UST: variants seen among roughly 807,000 people sequenced by gnomAD.
UST encodes uronyl 2-sulfotransferase.
In UST, 21 loss-of-function variants were observed where a neutral mutation model predicts 45.6. That is an observed-to-expected ratio of 0.46 (90% CI 0.33 to 0.66). UST has a LOEUF of 0.66. Among genes scored for constraint, UST ranks in the 30% least tolerant of loss-of-function variants. The pLI is 0.02. For missense variants in UST, 463 were observed against 512.4 expected, an observed-to-expected ratio of 0.90 and a Z score of 0.93; for synonymous variants, 215 against 200.6, an observed-to-expected ratio of 1.07 and a Z score of -0.61.
chr6:148,774,257 G>T (rs935561472), intron 1 of UST, among the ~76,000 whole-genome samples: 6 of 138,466 alleles, frequency 4.3e-5, no homozygotes, highest in Non-Finnish European at 9.2e-5. Context: ...CTGTTAAAGC[G>T]AACAAGGTTA....
At chr6:149,060,598 G>T (rs776456964) in intron 7 of UST, among the ~76,000 whole-genome samples, 1 of 152,198 alleles carries the variant, frequency 6.6e-6, no homozygotes, top group Non-Finnish European at 1.5e-5. Context: ...GTGGTGCAGG[G>T]CTGTATGGGA....
intron 2 of UST, among the ~76,000 whole-genome samples, chr6:148,912,048 T>G (rs1779485734): frequency 6.6e-6 from 1 of 152,090 alleles, no homozygotes; most frequent in Non-Finnish European, 1.5e-5. Context: ...AATATAAAAA[T>G]TAGCTGGGCA....
At chr6:148,901,825 T>G (rs1329144309) in intron 2 of UST, among the ~76,000 whole-genome samples, 1 of 151,932 alleles carries the variant, frequency 6.6e-6, no homozygotes, top group Non-Finnish European at 1.5e-5. Context: ...TCCCAAAGTG[T>G]TGGGATTACA....
At chr6:148,984,977 G>T (rs1781212613) in intron 5 of UST, among the ~76,000 whole-genome samples, 2 of 152,236 alleles carry the variant, frequency 1.3e-5, no homozygotes, top group Non-Finnish European at 2.9e-5. Flanking sequence ...TGGCTATGGA[G>T]CTAAAGGATG....
chr6:149,064,648 A>T (rs931711163), intron 7 of UST, among the ~76,000 whole-genome samples: 2 of 152,220 alleles, frequency 1.3e-5, no homozygotes, highest in African/African-American at 4.8e-5. Context: ...CTCTAGGTTT[A>T]TGAAAGCCTG....
chr6:148,871,117 C>CTCTCTCT (rs1778543531), intron 1 of UST, among the ~76,000 whole-genome samples: 32 of 97,594 alleles, frequency 3.3e-4, no homozygotes, highest in Middle Eastern at 0.016. Flanking sequence ...GCATTCTCTC[C>CTCTCTCT]CTCTCTCTCT....
chr6:148,929,931 A>G (rs965381505), intron 2 of UST, among the ~76,000 whole-genome samples: 10 of 152,208 alleles, frequency 6.6e-5, no homozygotes, highest in Non-Finnish European at 1.3e-4. Context: ...GAAAAATGCC[A>G]AGAAGCCAAT....
intron 1 of UST, among the ~76,000 whole-genome samples, chr6:148,861,625 G>A (rs148784785): frequency 0.013 from 2,041 of 152,200 alleles, 30 homozygotes; most frequent in Admixed American, 0.025. Flanking sequence ...GCTTTCTCTT[G>A]TGGGCATTTA....
intron 5 of UST, among the ~76,000 whole-genome samples, chr6:148,972,899 GC>G (rs1171961961): frequency 2.0e-5 from 3 of 150,230 alleles, no homozygotes; most frequent in African/African-American, 7.4e-5. Context: ...TTTTTTTTAA[GC>G]TTCAGAAGTG....
At chr6:148,800,861 C>G (rs1562262047) in intron 1 of UST, among the ~76,000 whole-genome samples, 1 of 144,122 alleles carries the variant, frequency 6.9e-6, no homozygotes. Flanking sequence ...TGAGGGAATT[C>G]AAGAAGAAAA....
chr6:149,060,747 A>ATCTC (rs1456085755), intron 7 of UST, among the ~76,000 whole-genome samples: 1 of 152,140 alleles, frequency 6.6e-6, no homozygotes, highest in East Asian at 1.9e-4. Context: ...TGTGCTGGGA[A>ATCTC]TCTCTGGCTG....
chr6:148,823,982 C>T (rs772670113), intron 1 of UST, among the ~76,000 whole-genome samples: 8 of 152,098 alleles, frequency 5.3e-5, no homozygotes, highest in African/African-American at 9.7e-5. Context: ...AATCTGAGCA[C>T]GGCTTTGACT....
chr6:148,755,338 G>T (rs921445155), intron 1 of UST, among the ~76,000 whole-genome samples: 1 of 146,116 alleles, frequency 6.8e-6, no homozygotes, highest in African/African-American at 2.4e-5. Context: ...TGAGTTTTAA[G>T]AAGAAATATT....
chr6:148,997,611 A>G (rs2500529), intron 5 of UST, among the ~76,000 whole-genome samples: 43,873 of 152,010 alleles, frequency 0.29, 6,456 homozygotes, highest in African/African-American at 0.36. Flanking sequence ...CATAAACCCC[A>G]GTTCATATCC....
chr6:148,993,038 C>T, intron 5 of UST: 1 of 985,416 alleles, frequency 1.0e-6, no homozygotes, highest in Non-Finnish European at 1.2e-6. Flanking sequence ...TCCTTCAATC[C>T]CAACTGGCAA....
chr6:148,770,257 T>A (rs557182420), intron 1 of UST, among the ~76,000 whole-genome samples: 1 of 151,210 alleles, frequency 6.6e-6, no homozygotes, highest in Non-Finnish European at 1.5e-5. Flanking sequence ...AGGAGAGGGA[T>A]TCAGGGAAAA....
chr6:149,068,857 A>G (rs995584215), intron 7 of UST, among the ~76,000 whole-genome samples: 3 of 152,128 alleles, frequency 2.0e-5, no homozygotes, highest in Admixed American at 1.3e-4. Context: ...ATAACTGTAC[A>G]TTTGTACCCA....
intron 1 of UST, among the ~76,000 whole-genome samples, chr6:148,781,813 C>T (rs913078155): frequency 1.3e-5 from 2 of 152,100 alleles, no homozygotes; most frequent in Non-Finnish European, 2.9e-5. Context: ...AAGAATTTGC[C>T]AAATCTACTC....
intron 5 of UST, among the ~76,000 whole-genome samples, chr6:149,014,798 A>T (rs76289314): frequency 6.6e-6 from 1 of 152,186 alleles, no homozygotes; most frequent in African/African-American, 2.4e-5. Flanking sequence ...AGTTTCTTTC[A>T]AATGCAGATT....
Sources: gnomAD v4.1 joint callset for allele counts (sites outside exome capture counted in the v4.1 genomes callset) on GRCh38, gnomAD v4.1.1 for gene constraint, MANE v1.5 for transcripts, NCBI Gene and HGNC (gene_info 2026-07-23, HGNC 2026-07-21) for gene names.